The following AXDND1 variants were observed in gnomAD, a reference collection of about 807,000 sequenced individuals.
The protein encoded by AXDND1 is axonemal dynein light chain domain containing 1.
Under a neutral mutation model 137.5 loss-of-function variants are expected in AXDND1, and 110 were observed. That is an observed-to-expected ratio of 0.80 (90% confidence interval 0.69 to 0.94). The LOEUF is 0.94. Ranked by LOEUF, AXDND1 falls within the 40% of genes least tolerant of loss-of-function variation. The pLI, the probability that AXDND1 is intolerant of heterozygous loss-of-function variation, is 0.00. For missense variants in AXDND1, 1,191 were observed against 1,169.8 expected (o/e 1.02, Z -0.26); for synonymous variants, 414 against 399.7 (o/e 1.04, Z -0.43).
chr1:179,529,079 G>A lies in AXDND1; in HGVS notation c.2715+648G>A, dbSNP rs1670817534. 3.9e-5 allele frequency among the ~76,000 whole-genome samples: 6 copies of A among 152,300 alleles called. No individual in the cohort carries two copies. The South Asian group carries it at 1.2e-3, about 32-fold the overall frequency. On this transcript the variant is annotated intron_variant, in intron 23 of 25. Coordinates refer to ENST00000367618, the MANE Select transcript of AXDND1 (RefSeq NM_144696.6). Reference sequence around the variant, plus strand: ...TAGAGACAGTAGCTGTGGACACTCAGCAAGAAAGCAGATTTAAAATGTCTC... The same window carrying A: ...TAGAGACAGTAGCTGTGGACACTCAACAAGAAAGCAGATTTAAAATGTCTC...
At chr1:179,527,360 T>C (rs774001291) in intron 22 of AXDND1, among the ~76,000 whole-genome samples, 21 of 152,200 alleles carry the variant, frequency 1.4e-4, no homozygotes, top group Non-Finnish European at 2.9e-4. Flanking sequence ...AAGGTCTTTA[T>C]GACCTGTATT....
intron 21 of AXDND1, among the ~76,000 whole-genome samples, chr1:179,521,021 G>T (rs1174041611): frequency 6.6e-6 from 1 of 151,794 alleles, no homozygotes; most frequent in Non-Finnish European, 1.5e-5. Flanking sequence ...GAGTTCAGCG[G>T]TCCAGTTATG....
chr1:179,508,269 G>C (rs12120740), intron 20 of AXDND1, among the ~76,000 whole-genome samples: 1 of 151,186 alleles, frequency 6.6e-6, no homozygotes, highest in East Asian at 1.9e-4. Context: ...TTAGTGGGTC[G>C]AGGCTGCAGT....
chr1:179,476,202 C>G (rs1342220021), intron 17 of AXDND1, among the ~76,000 whole-genome samples: 1 of 152,110 alleles, frequency 6.6e-6, no homozygotes, highest in Non-Finnish European at 1.5e-5. Flanking sequence ...ATTACAAACA[C>G]AAAAATACAT....
At chr1:179,494,747 T>C (rs1458688586) in intron 20 of AXDND1, among the ~76,000 whole-genome samples, 1 of 152,172 alleles carries the variant, frequency 6.6e-6, no homozygotes, top group Non-Finnish European at 1.5e-5. Context: ...TTATAGACCT[T>C]GCTTTTGGTA....
intron 25 of AXDND1, among the ~76,000 whole-genome samples, chr1:179,546,844 C>T (rs1427330176): frequency 2.6e-5 from 4 of 152,114 alleles, no homozygotes; most frequent in Admixed American, 6.5e-5. Flanking sequence ...ACTCAGTGCG[C>T]GTGGGCTCCA....
At chr1:179,425,813 T>G (rs12734521) in intron 12 of AXDND1, among the ~76,000 whole-genome samples, 6,784 of 80,794 alleles carry the variant, frequency 0.084, 232 homozygotes, top group Non-Finnish European at 0.12. Flanking sequence ...TGTGTGTGTG[T>G]AAAGAGAGAA....
At chr1:179,444,466 C>T (rs1571861514) in intron 15 of AXDND1, among the ~76,000 whole-genome samples, 1 of 152,084 alleles carries the variant, frequency 6.6e-6, no homozygotes, top group African/African-American at 2.4e-5. Flanking sequence ...CAAATAATGC[C>T]AAATTATATA....
chr1:179,419,638 AGAGGGAGAGGGG>A (rs1185053840), intron 12 of AXDND1, among the ~76,000 whole-genome samples: 7 of 54,792 alleles, frequency 1.3e-4, no homozygotes, highest in Admixed American at 2.5e-4. Context: ...GGGGAGAGGG[AGAGGGAGAGGGG>A]GAGGGGGAGG....
intron 16 of AXDND1, chr1:179,453,886 T>G (rs1009039084): frequency 1.6e-4 from 24 of 152,028 alleles, no homozygotes; most frequent in African/African-American, 5.8e-4. Flanking sequence ...TTGGCCAATT[T>G]CTCCCATTTA....
intron 12 of AXDND1, among the ~76,000 whole-genome samples, chr1:179,419,298 C>T (rs574934535): frequency 1.1e-4 from 16 of 152,110 alleles, no homozygotes; most frequent in Admixed American, 3.9e-4. Flanking sequence ...GCCAAGATCA[C>T]GCCACTGCAC....
At chr1:179,370,974 A>G (rs1048144379) in intron 4 of AXDND1, among the ~76,000 whole-genome samples, 2 of 152,144 alleles carry the variant, frequency 1.3e-5, no homozygotes, top group Non-Finnish European at 2.9e-5. Context: ...AGTGGTAGAA[A>G]CTTGTCCTAT....
intron 4 of AXDND1, among the ~76,000 whole-genome samples, chr1:179,375,478 T>G (rs1668497270): frequency 6.9e-6 from 1 of 145,768 alleles, no homozygotes; most frequent in Non-Finnish European, 1.5e-5. Context: ...TCTAATTATA[T>G]AAAATATATA....
chr1:179,492,448 AACAAC>A (rs774895191), intron 19 of AXDND1, among the ~76,000 whole-genome samples: 2,940 of 98,260 alleles, frequency 0.03, 96 homozygotes, highest in East Asian at 0.12. Context: ...GAAAAAAAAA[AACAAC>A]AACCCACAAA....
At chr1:179,387,381 T>C (rs572528448) in intron 9 of AXDND1, among the ~76,000 whole-genome samples, 3 of 152,266 alleles carry the variant, frequency 2.0e-5, no homozygotes, top group East Asian at 3.9e-4. Context: ...GTGGGTCCAC[T>C]TGTGCGATAA....
At chr1:179,547,562 T>C (rs1311010429) in intron 25 of AXDND1, among the ~76,000 whole-genome samples, 4 of 152,164 alleles carry the variant, frequency 2.6e-5, no homozygotes, top group Non-Finnish European at 5.9e-5. Flanking sequence ...AGGACAATGC[T>C]TCTATTCTTA....
At chr1:179,459,241 C>G (rs569963442) in intron 16 of AXDND1, among the ~76,000 whole-genome samples, 1 of 152,168 alleles carries the variant, frequency 6.6e-6, no homozygotes, top group Non-Finnish European at 1.5e-5. Context: ...ATCCTCCTGC[C>G]TCAGCCTCCT....
At chr1:179,478,383 G>T (rs1433536120) in intron 17 of AXDND1, among the ~76,000 whole-genome samples, 1 of 152,222 alleles carries the variant, frequency 6.6e-6, no homozygotes, top group Non-Finnish European at 1.5e-5. Flanking sequence ...TGAAATCTAG[G>T]CAAAGGTTCC....
At chr1:179,447,186 C>G (rs924693333) in intron 16 of AXDND1, among the ~76,000 whole-genome samples, 6 of 152,040 alleles carry the variant, frequency 3.9e-5, no homozygotes, top group African/African-American at 1.4e-4. Context: ...ATGGTTTTAC[C>G]CACTAATCAA....
Sources: gnomAD v4.1 joint callset for allele counts (sites outside exome capture counted in the v4.1 genomes callset) on GRCh38, gnomAD v4.1.1 for gene constraint, MANE v1.5 for transcripts, NCBI Gene and HGNC (gene_info 2026-07-23, HGNC 2026-07-21) for gene names.